CAGE1: variants seen among roughly 807,000 people sequenced by gnomAD.
CAGE1 encodes cancer-associated gene 1 protein.
CAGE1 carries 66 observed loss-of-function variants against 94.9 expected under a neutral mutation model. The ratio of observed to expected loss-of-function variants is 0.70; its 90% CI spans 0.57 to 0.85. CAGE1 has a LOEUF of 0.85. CAGE1 is among the 40% of genes least tolerant of loss of function. The probability of loss-of-function intolerance (pLI) is 0.00; values close to 1 mark genes in which losing one functional copy is unlikely to be tolerated. For synonymous variants in CAGE1, 319 were observed against 321.0 expected (o/e 0.99, Z 0.07); for missense variants, 865 against 950.4 (o/e 0.91, Z 1.18).
chr6:7,369,096 C>T (rs1760454461), intron 6 of CAGE1, among the ~76,000 whole-genome samples: 1 of 151,730 alleles, frequency 6.6e-6, no homozygotes, highest in African/African-American at 2.4e-5. Context: ...GCAACCTCTC[C>T]CCCCAGGTTC....
chr6:7,349,846 C>T lies in CAGE1; in HGVS notation c.2369+5195G>A, dbSNP rs531718408. Among the ~76,000 whole-genome samples the T allele has an allele frequency of 7.6e-4, 115 of 151,200 alleles. 1 individual carries two copies. The highest frequency in any genetic ancestry group is 2.7e-3 in the African/African-American group (112 of 41,154). On this transcript the variant is annotated intron_variant, in intron 11 of 13. Coordinates refer to ENST00000502583, the MANE Select transcript of CAGE1 (RefSeq NM_001170692.2). ...ACTCAGGAGGCTGAGGCAGGAGAAT[C>T]GCTTGAGCCCAGGGGCCAAGGTTGC...
At chr6:7,342,662 G>A (rs1213623440) in intron 11 of CAGE1, among the ~76,000 whole-genome samples, 2 of 152,200 alleles carry the variant, frequency 1.3e-5, no homozygotes, top group Non-Finnish European at 2.9e-5. Flanking sequence ...CTCAATGAAT[G>A]TGTTAATCAT....
chr6:7,344,186 C>A (rs1759311046), intron 11 of CAGE1, among the ~76,000 whole-genome samples: 2 of 152,224 alleles, frequency 1.3e-5, no homozygotes, highest in African/African-American at 4.8e-5. Context: ...ACGGCCAGAG[C>A]TGGCTCCCTC....
chr6:7,345,287 G>T (rs558678215), intron 11 of CAGE1, among the ~76,000 whole-genome samples: 1 of 152,164 alleles, frequency 6.6e-6, no homozygotes, highest in Non-Finnish European at 1.5e-5. Flanking sequence ...AGCACTGACT[G>T]TTAAAGGTTT....
chr6:7,367,647 G>A (rs542985765), intron 7 of CAGE1, among the ~76,000 whole-genome samples: 5 of 152,076 alleles, frequency 3.3e-5, no homozygotes, highest in East Asian at 1.9e-4. Flanking sequence ...GAGGCCAGCC[G>A]TTTCTCTGCA....
At chr6:7,382,767 C>T (rs937801481) in intron 3 of CAGE1, among the ~76,000 whole-genome samples, 4 of 151,804 alleles carry the variant, frequency 2.6e-5, no homozygotes, top group African/African-American at 7.3e-5. Context: ...AAAAACTAGC[C>T]GTACATAGTG....
In CAGE1 at chr6:7,389,673, C is replaced by A. The variant is rs1270404549; in HGVS notation, c.-495G>T. On this transcript the variant is annotated 5_prime_UTR_variant, in exon 1 of 14. Transcript: ENST00000502583. Reference sequence around the variant, plus strand: ...GCCAGCACGGGCCTCGCCGTGCCGGCTACTCAACACGCCTTCCTGAGAGCA... The same window carrying A: ...GCCAGCACGGGCCTCGCCGTGCCGGATACTCAACACGCCTTCCTGAGAGCA... The A allele has an allele frequency of 2.3e-6, 1 of 435,232 alleles. No individual in the cohort carries two copies. The allele number at this position is 435,232 out of a possible 1,614,324, so 27.0% of individuals were successfully genotyped here.
chr6:7,381,516 C>A (rs888829904), intron 3 of CAGE1, among the ~76,000 whole-genome samples: 1 of 149,636 alleles, frequency 6.7e-6, no homozygotes, highest in East Asian at 2.0e-4. Flanking sequence ...ATATACTTTG[C>A]CTGTTTTTCT....
chr6:7,380,035 T>C lies in CAGE1; in HGVS notation c.284-1015A>G, dbSNP rs544028317. The stretch of plus-strand genomic sequence containing the variant: ...GTTAGGCACCGTACAGCACCTCAAA[T>C]CGTGGAATCAGATTGGAGACCACCA... On this transcript the variant is annotated intron_variant, in intron 3 of 13. Transcript: ENST00000502583. Among the ~76,000 whole-genome samples the C allele has an allele frequency of 3.3e-5, 5 of 152,350 alleles. No individual in the cohort carries two copies. In the South Asian group the frequency reaches 1.0e-3, roughly 32 times the overall value.
intron 13 of CAGE1, 38 bp downstream of exon 13, chr6:7,329,811 A>ATGTAAGAT (rs1758681821): frequency 9.5e-7 from 1 of 1,050,392 alleles, no homozygotes; most frequent in Non-Finnish European, 1.4e-6. Flanking sequence ...TTACATGGAA[A>ATGTAAGAT]TGTAAGATTC....
intron 3 of CAGE1, among the ~76,000 whole-genome samples, chr6:7,382,215 T>C (rs1360464891): frequency 1.3e-5 from 2 of 152,196 alleles, no homozygotes; most frequent in Non-Finnish European, 2.9e-5. Context: ...ATATTGCATG[T>C]ATCTTCACTC....
At chr6:7,361,341 G>T (rs1428868346) in intron 9 of CAGE1, among the ~76,000 whole-genome samples, 1 of 152,168 alleles carries the variant, frequency 6.6e-6, no homozygotes, top group East Asian at 1.9e-4. Flanking sequence ...GGCCAAGAAA[G>T]TATGTTCCAA....
In CAGE1 at chr6:7,385,811, T is replaced by C. The variant is rs955172056; in HGVS notation, c.257A>G (p.Tyr86Cys). Residue 86 changes from tyrosine to cysteine, a missense_variant, in exon 3 of 14, where the codon TAT (tyrosine) becomes TGT (cysteine). Physicochemically the swap from Tyr to Cys is radical, Grantham distance 194. Coordinates refer to ENST00000502583, the MANE Select transcript of CAGE1 (RefSeq NM_001170692.2). ...EYESTLCEDA[Y>C]GTLDNLLNDN... ...ATTTAACAAATTGTCTAGTGTGCCATAAGCATCTTCACAAAGTGTGGATTC... is the reference window on the plus strand; with the variant it reads ...ATTTAACAAATTGTCTAGTGTGCCACAAGCATCTTCACAAAGTGTGGATTC... 1.9e-6 allele frequency: 3 copies of C among 1,544,696 alleles called. No individual in the cohort carries two copies. Among genetic ancestry groups the C allele is most frequent in the Non-Finnish European group, 8.7e-7 (1 of 1,144,044 alleles).
intron 11 of CAGE1, among the ~76,000 whole-genome samples, chr6:7,348,562 A>T (rs1327705193): frequency 6.6e-6 from 1 of 152,080 alleles, no homozygotes; most frequent in Non-Finnish European, 1.5e-5. Context: ...CCAAACCAAG[A>T]GGAAATCCCT....
chr6:7,370,644 A>G (rs965165375), intron 5 of CAGE1, among the ~76,000 whole-genome samples: 2 of 152,182 alleles, frequency 1.3e-5, no homozygotes, highest in Non-Finnish European at 2.9e-5. Flanking sequence ...GAAACAAAAA[A>G]TTTGTGAAAA....
intron 9 of CAGE1, among the ~76,000 whole-genome samples, chr6:7,360,717 G>A (rs980503150): frequency 6.6e-6 from 1 of 152,158 alleles, no homozygotes; most frequent in Non-Finnish European, 1.5e-5. Flanking sequence ...GCCAAGGCGG[G>A]TGAATCACCT....
intron 9 of CAGE1, among the ~76,000 whole-genome samples, chr6:7,356,361 A>C (rs745316860): frequency 3.3e-5 from 5 of 152,212 alleles, no homozygotes; most frequent in Non-Finnish European, 7.3e-5. Context: ...TATACTATAA[A>C]ACAGCATTAC....
chr6:7,346,896 G>A (rs536053971), intron 11 of CAGE1, among the ~76,000 whole-genome samples: 1 of 152,012 alleles, frequency 6.6e-6, no homozygotes, highest in Non-Finnish European at 1.5e-5. Flanking sequence ...ATTCTAATAA[G>A]CAGCCACAGT....
chr6:7,347,613 G>C (rs1759607774), intron 11 of CAGE1, among the ~76,000 whole-genome samples: 1 of 152,118 alleles, frequency 6.6e-6, no homozygotes, highest in South Asian at 2.1e-4. Flanking sequence ...CTGGTTTGCA[G>C]ACTCCACAGG....
Sources: gnomAD v4.1 joint callset for allele counts (sites outside exome capture counted in the v4.1 genomes callset) on GRCh38, gnomAD v4.1.1 for gene constraint, MANE v1.5 for transcripts, NCBI Gene and HGNC (gene_info 2026-07-23, HGNC 2026-07-21) for gene names.